Variants in GRB2 observed in about 807,000 individuals in gnomAD.
The protein encoded by GRB2 is growth factor receptor bound protein 2.
GRB2 carries 2 observed loss-of-function variants against 27.4 expected under a neutral mutation model. That is an observed-to-expected ratio of 0.07 (90% CI 0.03 to 0.23). The LOEUF (loss-of-function observed/expected upper bound fraction) is 0.23, where lower values mean the gene tolerates loss of function less well. Among genes scored for constraint, GRB2 ranks in the 10% least tolerant of loss-of-function variants. The pLI is 1.00. For missense variants in GRB2, 102 were observed against 282.4 expected (o/e 0.36, Z 4.58); for synonymous variants, 94 against 99.6 (o/e 0.94, Z 0.33).
chr17:75,354,134 G>C (rs1402699634), intron 2 of GRB2, among the ~76,000 whole-genome samples: 1 of 152,154 alleles, frequency 6.6e-6, no homozygotes, highest in African/African-American at 2.4e-5. Context: ...ATACTTGAAG[G>C]CTATTTCGGC....
Position 75,400,426 on chromosome 17 carries a change from G to A in GRB2, c.-138+5063C>T, listed in dbSNP as rs369242735. On this transcript the variant is annotated intron_variant, in intron 1 of 5. Transcript: ENST00000316804. ...TGACTTCAGGCAATCCACCAGCCTTGGCCTCCCAAAGTGCTGGGATTACAT... is the reference window on the plus strand; with the variant it reads ...TGACTTCAGGCAATCCACCAGCCTTAGCCTCCCAAAGTGCTGGGATTACAT... Among the ~76,000 whole-genome samples the A allele has an allele frequency of 2.1e-4, 31 of 150,578 alleles. No homozygotes were observed. In the East Asian group the frequency reaches 6.2e-3, roughly 30 times the overall value.
intron 3 of GRB2, 50 bp from the exon 4 acceptor site, chr17:75,326,070 G>T: frequency 1.2e-6 from 2 of 1,609,360 alleles, no homozygotes; most frequent in South Asian, 1.1e-5. Flanking sequence ...ACAAAGAAAC[G>T]GGATATCCAG....
At chr17:75,351,014 T>C (rs1169350956) in intron 2 of GRB2, among the ~76,000 whole-genome samples, 1 of 152,034 alleles carries the variant, frequency 6.6e-6, no homozygotes, top group Non-Finnish European at 1.5e-5. Context: ...CTTGGGGAAT[T>C]TGCTCATTAG....
intron 4 of GRB2, among the ~76,000 whole-genome samples, chr17:75,322,583 T>G (rs913291623): frequency 7.2e-5 from 11 of 152,178 alleles, no homozygotes; most frequent in Non-Finnish European, 1.3e-4. Context: ...TTCAGGAATT[T>G]TAGCTCCACT....
At chr17:75,337,904 T>TACTACTACTACTACTAC (rs758924250) in intron 2 of GRB2, among the ~76,000 whole-genome samples, 44 of 103,488 alleles carry the variant, frequency 4.3e-4, no homozygotes, top group East Asian at 8.8e-4. Context: ...ACTACTACTA[T>TACTACTACTACTACTAC]TATTATTATT....
intron 2 of GRB2, among the ~76,000 whole-genome samples, chr17:75,343,646 C>T (rs1024652326): frequency 6.6e-6 from 1 of 151,944 alleles, no homozygotes; most frequent in Non-Finnish European, 1.5e-5. Context: ...TTACTCCACC[C>T]AGATAAATCT....
intron 1 of GRB2, among the ~76,000 whole-genome samples, chr17:75,404,605 G>A (rs1407598679): frequency 6.6e-6 from 1 of 152,114 alleles, no homozygotes; most frequent in African/African-American, 2.4e-5. Context: ...CGTGTCCCTA[G>A]TGGAAAGGAC....
intron 1 of GRB2, among the ~76,000 whole-genome samples, chr17:75,396,467 T>TA (rs1161221770): frequency 2.0e-5 from 3 of 152,136 alleles, no homozygotes; most frequent in Non-Finnish European, 4.4e-5. Flanking sequence ...CAGTATAGCT[T>TA]AGTGTTGAAT....
intron 3 of GRB2, among the ~76,000 whole-genome samples, chr17:75,331,084 C>A (rs1307966446): frequency 6.6e-6 from 1 of 152,152 alleles, no homozygotes; most frequent in African/African-American, 2.4e-5. Flanking sequence ...TGACCCTGAC[C>A]CTATACTCAT....
chr17:75,338,619 G>C (rs1171346952), intron 2 of GRB2, among the ~76,000 whole-genome samples: 1 of 152,160 alleles, frequency 6.6e-6, no homozygotes, highest in Non-Finnish European at 1.5e-5. Flanking sequence ...GAAGCAGATT[G>C]ATCAAGAGAT....
chr17:75,368,537 T>TG (rs2078835534), intron 2 of GRB2, among the ~76,000 whole-genome samples: 1 of 150,604 alleles, frequency 6.6e-6, no homozygotes, highest in African/African-American at 2.5e-5. Context: ...TTTTTTTTTT[T>TG]GTTGTTTTTT....
At chr17:75,324,257 T>G (rs1168549319) in intron 4 of GRB2, among the ~76,000 whole-genome samples, 1 of 151,922 alleles carries the variant, frequency 6.6e-6, no homozygotes, top group Non-Finnish European at 1.5e-5. Context: ...TGGAGTGTAG[T>G]GGCACGATCT....
intron 2 of GRB2, among the ~76,000 whole-genome samples, chr17:75,345,075 G>A (rs1413834322): frequency 6.6e-6 from 1 of 151,600 alleles, no homozygotes; most frequent in Non-Finnish European, 1.5e-5. Context: ...ATGGAGTCTT[G>A]CTCTGTCCCC....
chr17:75,381,346 T>C (rs1263846270), intron 2 of GRB2, among the ~76,000 whole-genome samples: 4 of 152,192 alleles, frequency 2.6e-5, no homozygotes, highest in Admixed American at 6.5e-5. Context: ...ATTTAAATGT[T>C]ACAGTGAAGT....
At chr17:75,385,521 G>C (rs1156414751) in intron 2 of GRB2, among the ~76,000 whole-genome samples, 1 of 152,120 alleles carries the variant, frequency 6.6e-6, no homozygotes, top group Admixed American at 6.6e-5. Flanking sequence ...TGAGCAACAA[G>C]AGTGAAACTC....
At chr17:75,342,860 A>G (rs1008332087) in intron 2 of GRB2, among the ~76,000 whole-genome samples, 1 of 151,834 alleles carries the variant, frequency 6.6e-6, no homozygotes, top group African/African-American at 2.4e-5. Context: ...TCCAGCCTAG[A>G]GGGTACAGGG....
intron 1 of GRB2, among the ~76,000 whole-genome samples, chr17:75,397,927 C>T (rs1002592003): frequency 7.0e-4 from 106 of 152,096 alleles, no homozygotes; most frequent in African/African-American, 2.6e-3. Context: ...CTGCAACCTC[C>T]GCCTCCTAGG....
chr17:75,376,704 C>T (rs1307443694), intron 2 of GRB2, among the ~76,000 whole-genome samples: 1 of 151,838 alleles, frequency 6.6e-6, no homozygotes, highest in East Asian at 1.9e-4. Context: ...TTCCTAAAAA[C>T]CTTTCACAGG....
chr17:75,330,685 A>C (rs1382655033), intron 3 of GRB2, among the ~76,000 whole-genome samples: 2 of 151,816 alleles, frequency 1.3e-5, no homozygotes, highest in Non-Finnish European at 2.9e-5. Flanking sequence ...TAAAAACAAC[A>C]AGAACAACAA....
Sources: allele counts gnomAD v4.1 joint callset (sites outside exome capture counted in the v4.1 genomes callset), GRCh38; gene constraint gnomAD v4.1.1; transcripts MANE v1.5; gene names NCBI Gene and HGNC (gene_info 2026-07-23, HGNC 2026-07-21).